DOCK4: variants seen among roughly 807,000 people sequenced by gnomAD.
DOCK4 encodes the protein dedicator of cytokinesis 4.
DOCK4 carries 97 observed loss-of-function variants against 268.1 expected under a neutral mutation model. The ratio of observed to expected loss-of-function variants is 0.36; its 90% confidence interval spans 0.31 to 0.43. The LOEUF (loss-of-function observed/expected upper bound fraction) is 0.43, where lower values mean the gene tolerates loss of function less well. Ranked by LOEUF, DOCK4 falls within the 20% of genes least tolerant of loss-of-function variation. DOCK4 has a pLI of 1.00. For missense variants in DOCK4, 2,145 were observed against 2,455.7 expected, an observed-to-expected ratio of 0.87 and a Z score of 2.67; for synonymous variants, 954 against 887.2, an observed-to-expected ratio of 1.08 and a Z score of -1.34.
At chr7:111,939,995 T>C (rs535074184) in intron 11 of DOCK4, 115 bp downstream of exon 11, 263 of 1,052,944 alleles carry the variant, frequency 2.5e-4, no homozygotes, top group Non-Finnish European at 1.6e-4. Flanking sequence ...TTTTGAGGAA[T>C]GGCTCATAAA....
intron 13 of DOCK4, among the ~76,000 whole-genome samples, chr7:111,914,151 G>A (rs1442986112): frequency 1.3e-5 from 2 of 152,006 alleles, no homozygotes; most frequent in Non-Finnish European, 2.9e-5. Context: ...CTCCTTTCGG[G>A]TTACAGCGTG....
intron 27 of DOCK4, among the ~76,000 whole-genome samples, chr7:111,815,193 T>C (rs1801448503): frequency 6.6e-6 from 1 of 152,076 alleles, no homozygotes; most frequent in Admixed American, 6.6e-5. Flanking sequence ...GGATGAGGAG[T>C]AGGGCCTCCA....
chr7:112,178,896 A>G (rs1586985515), intron 1 of DOCK4, among the ~76,000 whole-genome samples: 1 of 152,210 alleles, frequency 6.6e-6, no homozygotes, highest in African/African-American at 2.4e-5. Flanking sequence ...GTATCCTCAT[A>G]GGCTAACCAA....
intron 1 of DOCK4, among the ~76,000 whole-genome samples, chr7:112,039,034 A>G (rs1804109924): frequency 1.3e-5 from 2 of 152,192 alleles, no homozygotes; most frequent in Admixed American, 6.6e-5. Context: ...TACAAAGTGA[A>G]TAACAGGAAA....
intron 27 of DOCK4, among the ~76,000 whole-genome samples, chr7:111,822,037 T>C (rs921470588): frequency 6.6e-6 from 1 of 152,198 alleles, no homozygotes. Context: ...ACAGTGTGTA[T>C]ATTACATTAC....
chr7:112,117,313 T>C (rs1041331423), intron 1 of DOCK4, among the ~76,000 whole-genome samples: 5 of 152,250 alleles, frequency 3.3e-5, no homozygotes, highest in African/African-American at 9.6e-5. Context: ...TTCATAACCA[T>C]TGAACATGTG....
At chr7:112,124,310 T>C (rs142323179) in intron 1 of DOCK4, among the ~76,000 whole-genome samples, 54 of 152,340 alleles carry the variant, frequency 3.5e-4, no homozygotes, top group African/African-American at 1.3e-3. Context: ...CATGAGTCAC[T>C]ATTGCCTGAC....
intron 8 of DOCK4, among the ~76,000 whole-genome samples, chr7:111,957,436 T>C (rs1197367365): frequency 6.6e-6 from 1 of 152,160 alleles, no homozygotes; most frequent in African/African-American, 2.4e-5. Context: ...CAGAAGACTT[T>C]AGAAATCCCA....
chr7:112,005,535 A>G (rs1346965915), intron 1 of DOCK4, among the ~76,000 whole-genome samples: 1 of 152,270 alleles, frequency 6.6e-6, no homozygotes, highest in Non-Finnish European at 1.5e-5. Flanking sequence ...TTTTGCTGGC[A>G]AAACAATCAA....
intron 1 of DOCK4, among the ~76,000 whole-genome samples, chr7:112,028,790 T>C (rs546728529): frequency 1.2e-4 from 19 of 152,326 alleles, no homozygotes; most frequent in African/African-American, 4.1e-4. Flanking sequence ...AAGTCTCTAA[T>C]TGCCTCACTG....
At position 111,736,997 on chromosome 7, in the gene DOCK4, G is replaced by T. The variant is rs535465340; in HGVS notation, c.5233-8C>A. 6.3e-7 allele frequency: 1 copy of T among 1,598,884 alleles called. No homozygotes were observed. The highest frequency in any genetic ancestry group is 1.3e-5 in the African/African-American group (1 of 74,770). On this transcript the variant is annotated splice_region_variant and splice_polypyrimidine_tract_variant and intron_variant, in intron 49 of 52. Coordinates refer to ENST00000428084, the MANE Select transcript of DOCK4 (RefSeq NM_001363540.2). The stretch of plus-strand genomic sequence containing the variant: ...ATGATTAAACAGCATCCTCTGCAAA[G>T]TTACAAGGGTTGATTTTTATGATGT...
intron 1 of DOCK4, among the ~76,000 whole-genome samples, chr7:112,144,065 A>T (rs994282612): frequency 6.6e-6 from 1 of 152,176 alleles, no homozygotes; most frequent in Admixed American, 6.5e-5. Flanking sequence ...TAGGGATGCT[A>T]CAATCTTTTG....
At chr7:111,758,311 C>T (rs1266546695) in intron 41 of DOCK4, among the ~76,000 whole-genome samples, 2 of 152,182 alleles carry the variant, frequency 1.3e-5, no homozygotes, top group Non-Finnish European at 2.9e-5. Flanking sequence ...CTGACTTCAG[C>T]CAGGAGTTCT....
At chr7:111,732,011 T>C (rs1795124066) in intron 52 of DOCK4, among the ~76,000 whole-genome samples, 1 of 152,210 alleles carries the variant, frequency 6.6e-6, no homozygotes, top group Admixed American at 6.5e-5. Flanking sequence ...AGAATGAGGC[T>C]AATAATCGAA....
intron 8 of DOCK4, among the ~76,000 whole-genome samples, chr7:111,947,602 C>T (rs918816174): frequency 2.0e-5 from 3 of 151,030 alleles, no homozygotes; most frequent in Non-Finnish European, 3.0e-5. Flanking sequence ...GACACCTATA[C>T]TGAGGGTGCA....
intron 1 of DOCK4, among the ~76,000 whole-genome samples, chr7:112,188,565 C>A (rs1190135833): frequency 6.6e-6 from 1 of 152,190 alleles, no homozygotes; most frequent in Non-Finnish European, 1.5e-5. Context: ...GTGGTGCAAA[C>A]TGTGCTGCAT....
chr7:111,799,291 T>G (rs932771446), intron 30 of DOCK4, among the ~76,000 whole-genome samples: 1 of 152,222 alleles, frequency 6.6e-6, no homozygotes, highest in African/African-American at 2.4e-5. Context: ...AACTTATCAA[T>G]GTGCTCAGAT....
chr7:111,895,597 T>C lies in DOCK4; in HGVS notation c.1587+15A>G. 5.6e-6 allele frequency: 9 copies of C among 1,611,338 alleles called. No homozygotes were observed. The highest frequency in any genetic ancestry group is 7.6e-6 in the Non-Finnish European group (9 of 1,177,520). On this transcript the variant is annotated intron_variant, in intron 16 of 52. Transcript: ENST00000428084. ...TGTTTTTTACTGCCCATCGCCACCA[T>C]CTGACTGATGTTACCTTATGCACGA...
chr7:112,092,534 G>A (rs147706100), intron 1 of DOCK4, among the ~76,000 whole-genome samples: 1 of 152,204 alleles, frequency 6.6e-6, no homozygotes, highest in Non-Finnish European at 1.5e-5. Flanking sequence ...CTACCTGAAC[G>A]GAAAGAATCT....
Sources: gnomAD v4.1 joint callset for allele counts (sites outside exome capture counted in the v4.1 genomes callset) on GRCh38, gnomAD v4.1.1 for gene constraint, MANE v1.5 for transcripts, NCBI Gene and HGNC (gene_info 2026-07-23, HGNC 2026-07-21) for gene names.